CIMAP1D: variants seen among roughly 807,000 people sequenced by gnomAD.
CIMAP1D encodes the protein CIMAP1 family member D.
At chr19:486,862 C>A in the CIMAP1D span, among the ~76,000 whole-genome samples, 4 of 151,844 alleles carry the variant, frequency 2.6e-5, no homozygotes, top group East Asian at 7.9e-4. Context: ...TGTAGTGAGC[C>A]GAGATTGTGC....
At chr19:471,489 C>A in the CIMAP1D span, among the ~76,000 whole-genome samples, 38 of 152,226 alleles carry the variant, frequency 2.5e-4, no homozygotes, top group Admixed American at 4.6e-4. Context: ...GTCGCCCAGG[C>A]TGGAGTGCAG....
the CIMAP1D span, among the ~76,000 whole-genome samples, chr19:490,589 G>T: frequency 6.6e-6 from 1 of 152,248 alleles, no homozygotes. Context: ...GTTCTAGTTG[G>T]AAAAGTGGCT....
chr19:474,705 C>T, the CIMAP1D span: 1 of 1,560,766 alleles, frequency 6.4e-7, no homozygotes, highest in South Asian at 1.2e-5. Context: ...CCAAGGGGGG[C>T]TGTGGCCAGC....
chr19:478,744 G>A, the CIMAP1D span, among the ~76,000 whole-genome samples: 2 of 152,262 alleles, frequency 1.3e-5, no homozygotes, highest in South Asian at 2.1e-4. Flanking sequence ...GCCGGAGGCC[G>A]GCCCTACGTC....
chr19:466,261 T>C, the CIMAP1D span, among the ~76,000 whole-genome samples: 1 of 91,326 alleles, frequency 1.1e-5, no homozygotes, highest in Non-Finnish European at 2.3e-5. Flanking sequence ...CATGGTTAGG[T>C]AGATGGTGGA....
the CIMAP1D span, among the ~76,000 whole-genome samples, chr19:487,661 C>T: frequency 2.6e-5 from 4 of 152,090 alleles, no homozygotes; most frequent in East Asian, 7.7e-4. Context: ...CAGAGTGAGA[C>T]CCTGTGTCAA....
chr19:478,859 G>A, the CIMAP1D span, among the ~76,000 whole-genome samples: 9 of 152,356 alleles, frequency 5.9e-5, no homozygotes, highest in South Asian at 1.2e-3. Flanking sequence ...TGTTCTCACC[G>A]TAATTAGGAA....
chr19:475,701 A>G, the CIMAP1D span, among the ~76,000 whole-genome samples: 568 of 152,218 alleles, frequency 3.7e-3, 6 homozygotes, highest in African/African-American at 0.013. Context: ...GAGGCTCAGA[A>G]AACTGCCAGA....
the CIMAP1D span, among the ~76,000 whole-genome samples, chr19:466,810 T>TG: frequency 2.6e-5 from 1 of 39,044 alleles, no homozygotes; most frequent in Non-Finnish European, 4.4e-5. Flanking sequence ...GTTGGGTGGA[T>TG]GGTGGAAGGA....
the CIMAP1D span, among the ~76,000 whole-genome samples, chr19:487,890 G>A: frequency 3.3e-5 from 5 of 152,194 alleles, no homozygotes; most frequent in Non-Finnish European, 7.3e-5. Flanking sequence ...GTTAAAGAGC[G>A]ACCCCTGACC....
chr19:466,730 T>G, the CIMAP1D span, among the ~76,000 whole-genome samples: 1 of 127,722 alleles, frequency 7.8e-6, no homozygotes, highest in South Asian at 2.7e-4. Context: ...GATGGGTGGA[T>G]AGATGGATGA....
the CIMAP1D span, among the ~76,000 whole-genome samples, chr19:481,114 AAGGAATGTGGG>A: frequency 9.0e-3 from 1,114 of 124,062 alleles, 2 homozygotes; most frequent in Admixed American, 0.013. Context: ...GATGATGGAG[AAGGAATGTGGG>A]AAGGATGATG....
the CIMAP1D span, among the ~76,000 whole-genome samples, chr19:476,949 G>A: frequency 2.6e-5 from 4 of 152,226 alleles, no homozygotes; most frequent in African/African-American, 4.8e-5. Flanking sequence ...GCTCACACCT[G>A]TAATCCCTGC....
At chr19:491,232 T>A in the CIMAP1D span, among the ~76,000 whole-genome samples, 100 of 150,892 alleles carry the variant, frequency 6.6e-4, 1 homozygote, top group Middle Eastern at 3.5e-3. Flanking sequence ...AGCCAAGATC[T>A]CACCACTGCA....
chr19:476,266 GA>G, the CIMAP1D span, among the ~76,000 whole-genome samples: 1 of 151,862 alleles, frequency 6.6e-6, no homozygotes, highest in Non-Finnish European at 1.5e-5. Context: ...CGTTGGCCAG[GA>G]TGGCCTCAAT....
the CIMAP1D span, among the ~76,000 whole-genome samples, chr19:483,957 AGT>A: frequency 3.3e-5 from 5 of 152,088 alleles, no homozygotes; most frequent in African/African-American, 7.2e-5. Context: ...CTGTGAGATC[AGT>A]CCTGGTGTGG....
chr19:480,438 CAGGA>C, the CIMAP1D span, among the ~76,000 whole-genome samples: 1 of 139,754 alleles, frequency 7.2e-6, no homozygotes, highest in Non-Finnish European at 1.5e-5. Context: ...GGATGGATGA[CAGGA>C]AGGATGATAG....
At chr19:476,335 G>A in the CIMAP1D span, among the ~76,000 whole-genome samples, 4 of 151,826 alleles carry the variant, frequency 2.6e-5, no homozygotes, top group Admixed American at 2.0e-4. Flanking sequence ...TTACAGGTGT[G>A]AGCCACCGCG....
At chr19:472,650 G>C in the CIMAP1D span, 2 of 532,808 alleles carry the variant, frequency 3.8e-6, no homozygotes, top group African/African-American at 2.0e-5. Flanking sequence ...GCTGCCCGTC[G>C]GGGACAAAAT....
Sources: gnomAD v4.1 joint callset for allele counts (sites outside exome capture counted in the v4.1 genomes callset) on GRCh38, gnomAD v4.1.1 for gene constraint, MANE v1.5 for transcripts, NCBI Gene and HGNC (gene_info 2026-07-23, HGNC 2026-07-21) for gene names.